Variants in LRMDA observed in about 807,000 individuals in gnomAD.
LRMDA encodes the protein leucine-rich melanocyte differentiation-associated protein.
LRMDA carries 18 observed loss-of-function variants against 29.8 expected under a neutral mutation model. The ratio of observed to expected loss-of-function variants is 0.60; its 90% CI spans 0.42 to 0.90. The LOEUF (loss-of-function observed/expected upper bound fraction) is 0.90, where lower values mean the gene tolerates loss of function less well. LRMDA is among the 40% of genes least tolerant of loss of function. The probability of loss-of-function intolerance (pLI) is 0.00; values close to 1 mark genes in which losing one functional copy is unlikely to be tolerated. For synonymous variants in LRMDA, 125 were observed against 109.4 expected, an observed-to-expected ratio of 1.14 and a Z score of -0.89; for missense variants, 273 against 273.9, an observed-to-expected ratio of 1.00 and a Z score of 0.02.
At chr10:75,489,226 T>TTA (rs1554893976) in intron 2 of LRMDA, among the ~76,000 whole-genome samples, 18 of 132,074 alleles carry the variant, frequency 1.4e-4, no homozygotes, top group Non-Finnish European at 2.5e-4. Flanking sequence ...GGATTTTTAG[T>TTA]AAAAAAAAAA....
At position 76,558,010 on chromosome 10, in the gene LRMDA, G is replaced by C. The variant is rs370102622; in HGVS notation, c.*722G>C. 6.6e-6 allele frequency: 1 copy of C among 152,218 alleles called. No homozygotes were observed. The highest frequency in any genetic ancestry group is 1.5e-5 in the Non-Finnish European group (1 of 68,074). The allele number at this position is 152,218 out of a possible 1,614,324, so 9.4% of individuals were successfully genotyped here. Reference sequence around the variant, plus strand: ...TTTCCCTAAATCCCTGACTACAAAAGCGTGGACTTTTATCTTGTTTCATTC... The same window carrying C: ...TTTCCCTAAATCCCTGACTACAAAACCGTGGACTTTTATCTTGTTTCATTC... On this transcript the variant is annotated 3_prime_UTR_variant, in exon 7 of 7. Coordinates refer to ENST00000611255, the MANE Select transcript of LRMDA (RefSeq NM_001305581.2).
At chr10:75,923,847 A>G (rs773519229) in intron 2 of LRMDA, among the ~76,000 whole-genome samples, 4 of 152,240 alleles carry the variant, frequency 2.6e-5, no homozygotes, top group Admixed American at 6.5e-5. Flanking sequence ...GCATTGGAGT[A>G]AGTCTCTTGA....
chr10:75,586,767 C>T (rs1589194421), intron 2 of LRMDA, among the ~76,000 whole-genome samples: 1 of 149,510 alleles, frequency 6.7e-6, no homozygotes, highest in African/African-American at 2.5e-5. Flanking sequence ...TATATGCTGT[C>T]TTTGGAGAAA....
intron 2 of LRMDA, among the ~76,000 whole-genome samples, chr10:75,502,841 C>G (rs116863550): frequency 0.013 from 1,998 of 152,276 alleles, 21 homozygotes; most frequent in Non-Finnish European, 0.017. Context: ...AGGCACACTT[C>G]TCCTCCTTCT....
chr10:76,125,037 G>C (rs1460458856), intron 5 of LRMDA, among the ~76,000 whole-genome samples: 2 of 152,212 alleles, frequency 1.3e-5, no homozygotes, highest in African/African-American at 4.8e-5. Context: ...TTTTAAATCA[G>C]TAACTTTAAG....
chr10:76,290,634 C>T (rs1310311129), intron 5 of LRMDA, among the ~76,000 whole-genome samples: 2 of 151,910 alleles, frequency 1.3e-5, no homozygotes, highest in African/African-American at 4.8e-5. Flanking sequence ...GTTGGCCAGG[C>T]TGGTCTCGAA....
intron 6 of LRMDA, among the ~76,000 whole-genome samples, chr10:76,386,189 T>C (rs1841657554): frequency 6.6e-6 from 1 of 152,220 alleles, no homozygotes; most frequent in Non-Finnish European, 1.5e-5. Context: ...GGATAGGGTC[T>C]TCTTAAGCAC....
At chr10:75,643,604 G>A (rs906081122) in intron 2 of LRMDA, among the ~76,000 whole-genome samples, 1 of 152,210 alleles carries the variant, frequency 6.6e-6, no homozygotes, top group Non-Finnish European at 1.5e-5. Flanking sequence ...GCTGTGAGAT[G>A]TGTGATACCC....
At chr10:75,798,921 T>C (rs1473899138) in intron 2 of LRMDA, among the ~76,000 whole-genome samples, 2 of 152,212 alleles carry the variant, frequency 1.3e-5, no homozygotes, top group Non-Finnish European at 2.9e-5. Flanking sequence ...TTAATTTAGA[T>C]ATTTATTAGG....
At chr10:75,695,231 A>T (rs1027588443) in intron 2 of LRMDA, among the ~76,000 whole-genome samples, 4 of 152,158 alleles carry the variant, frequency 2.6e-5, no homozygotes, top group Non-Finnish European at 5.9e-5. Context: ...TTTAAAAAAA[A>T]TAACATTTTT....
intron 6 of LRMDA, among the ~76,000 whole-genome samples, chr10:76,370,854 A>T (rs1466609638): frequency 6.6e-6 from 1 of 152,160 alleles, no homozygotes; most frequent in Non-Finnish European, 1.5e-5. Flanking sequence ...TAAGTTGAGG[A>T]TGGAAGGTCT....
chr10:76,441,414 C>T (rs771042187), intron 6 of LRMDA, among the ~76,000 whole-genome samples: 11 of 152,252 alleles, frequency 7.2e-5, no homozygotes, highest in East Asian at 1.9e-4. Context: ...CTATGTGCCA[C>T]GGTTATGTCA....
chr10:75,837,528 T>C (rs566282460), intron 2 of LRMDA, among the ~76,000 whole-genome samples: 1 of 152,348 alleles, frequency 6.6e-6, no homozygotes, highest in African/African-American at 2.4e-5. Flanking sequence ...TTGTAATGCA[T>C]GTTTTAAATT....
chr10:76,286,411 C>T (rs988862754), intron 5 of LRMDA, among the ~76,000 whole-genome samples: 4 of 152,170 alleles, frequency 2.6e-5, no homozygotes, highest in Non-Finnish European at 5.9e-5. Flanking sequence ...CATTGTTCCA[C>T]ATTTTTAAAG....
chr10:75,845,841 G>A (rs889958007), intron 2 of LRMDA, among the ~76,000 whole-genome samples: 14 of 152,152 alleles, frequency 9.2e-5, no homozygotes, highest in African/African-American at 3.4e-4. Context: ...AGAACCACAT[G>A]GGGGCAGAGA....
At chr10:75,978,676 C>T (rs1468527387) in intron 2 of LRMDA, among the ~76,000 whole-genome samples, 1 of 152,074 alleles carries the variant, frequency 6.6e-6, no homozygotes, top group African/African-American at 2.4e-5. Flanking sequence ...GAAGGAATTC[C>T]CAGGTACATA....
chr10:75,739,802 G>A (rs193038963), intron 2 of LRMDA, among the ~76,000 whole-genome samples: 6 of 152,208 alleles, frequency 3.9e-5, no homozygotes, highest in African/African-American at 1.2e-4. Context: ...AGTGTCTGTC[G>A]GTAATTTATC....
intron 6 of LRMDA, among the ~76,000 whole-genome samples, chr10:76,432,928 T>G (rs953293213): frequency 2.6e-5 from 4 of 152,154 alleles, no homozygotes; most frequent in Non-Finnish European, 5.9e-5. Flanking sequence ...GTGCCACCAG[T>G]GCCACCACCC....
Position 75,890,596 on chromosome 10 carries a change from A to G in LRMDA, c.132-145412A>G, listed in dbSNP as rs958443730. Among the ~76,000 whole-genome samples, 3 of 152,166 alleles carry G rather than the reference A, an allele frequency of 2.0e-5. No homozygotes were observed. In the East Asian group the frequency reaches 5.8e-4, roughly 29 times the overall value. ...TGGCTGGATCTTGGTAGTTGTGTTC[A>G]TTTTGTAGGTGTGTATATGTGTGGG... On this transcript the variant is annotated intron_variant, in intron 2 of 6. Transcript: ENST00000611255.
Sources: allele counts gnomAD v4.1 joint callset (sites outside exome capture counted in the v4.1 genomes callset), GRCh38; gene constraint gnomAD v4.1.1; transcripts MANE v1.5; gene names NCBI Gene and HGNC (gene_info 2026-07-23, HGNC 2026-07-21).